The following NHS variants were observed in gnomAD, a reference collection of about 807,000 sequenced individuals.
NHS encodes the protein actin remodeling regulator NHS.
NHS carries 5 observed loss-of-function variants against 72.5 expected under a neutral mutation model. That is an observed-to-expected ratio of 0.07 (90% confidence interval 0.04 to 0.14). NHS has a LOEUF of 0.14. NHS is among the 10% of genes least tolerant of loss of function. The pLI is 1.00. For synonymous variants in NHS, 464 were observed against 547.7 expected (o/e 0.85, Z 2.13); for missense variants, 1,072 against 1,355.7 (o/e 0.79, Z 3.29).
intron 1 of NHS, among the ~76,000 whole-genome samples, chrX:17,656,422 A>G (rs961381611): frequency 8.9e-6 from 1 of 112,027 alleles, no homozygotes; most frequent in Non-Finnish European, 1.9e-5. Flanking sequence ...CATCATTTTA[A>G]ACTAATTTCT....
chrX:17,415,323 C>A (rs918013771), intron 1 of NHS, among the ~76,000 whole-genome samples: 5 of 111,380 alleles, frequency 4.5e-5, no homozygotes, highest in African/African-American at 6.5e-5. Flanking sequence ...CTCTGTGTTC[C>A]CGAGTCTCAA....
chrX:17,488,536 G>A (rs2064976410), intron 1 of NHS, among the ~76,000 whole-genome samples: 1 of 111,735 alleles, frequency 8.9e-6, no homozygotes, highest in Non-Finnish European at 1.9e-5. Flanking sequence ...TCTATGCCAT[G>A]GACCCCTGGG....
intron 1 of NHS, among the ~76,000 whole-genome samples, chrX:17,565,159 C>T (rs1250563176): frequency 9.0e-6 from 1 of 110,902 alleles, no homozygotes; most frequent in Non-Finnish European, 1.9e-5. Flanking sequence ...TGTAGTGTCC[C>T]TCTTGGCCAC....
At chrX:17,493,565 C>T (rs1401473741) in intron 1 of NHS, among the ~76,000 whole-genome samples, 2 of 111,900 alleles carry the variant, frequency 1.8e-5, no homozygotes, top group African/African-American at 3.2e-5. Flanking sequence ...TTAGTAAACT[C>T]AGTACATTTC....
rs779251050 is a variant in NHS, at chrX:17,566,848, G to C, written c.566-120894G>C. Among the ~76,000 whole-genome samples, 9 of 111,231 alleles carry C rather than the reference G, an allele frequency of 8.1e-5. No homozygotes were observed. The South Asian group carries it at 3.4e-3, about 43-fold the overall frequency. On this transcript the variant is annotated intron_variant, in intron 1 of 8. Coordinates refer to ENST00000676302, the MANE Select transcript of NHS (RefSeq NM_001291867.2). ...TGTGAACATCCCTGACATTGGGCTAGCCTCGTGCCATTCAGGGCAGGCTTC... is the reference window on the plus strand; with the variant it reads ...TGTGAACATCCCTGACATTGGGCTACCCTCGTGCCATTCAGGGCAGGCTTC...
chrX:17,387,192 A>G (rs757536058), intron 1 of NHS, among the ~76,000 whole-genome samples: 29 of 111,516 alleles, frequency 2.6e-4, no homozygotes, highest in Non-Finnish European at 1.7e-4. Flanking sequence ...ACATTTCTCC[A>G]CCTTACTCAC....
At chrX:17,574,424 C>A (rs937225164) in intron 1 of NHS, among the ~76,000 whole-genome samples, 1 of 112,419 alleles carries the variant, frequency 8.9e-6, no homozygotes, top group African/African-American at 3.2e-5. Flanking sequence ...CCCCTCCCCC[C>A]ACCAAGCTCC....
At chrX:17,605,085 A>G (rs1461036214) in intron 1 of NHS, among the ~76,000 whole-genome samples, 1 of 111,858 alleles carries the variant, frequency 8.9e-6, no homozygotes, top group Non-Finnish European at 1.9e-5. Flanking sequence ...CACTGACATA[A>G]AGGGGCATCT....
intron 1 of NHS, among the ~76,000 whole-genome samples, chrX:17,458,834 T>G (rs2064835776): frequency 8.9e-6 from 1 of 111,986 alleles, no homozygotes; most frequent in Non-Finnish European, 1.9e-5. Flanking sequence ...TTATAGTTAC[T>G]TCAGGCAAAC....
intron 1 of NHS, among the ~76,000 whole-genome samples, chrX:17,429,907 G>A (rs1252375002): frequency 9.0e-6 from 1 of 111,653 alleles, no homozygotes; most frequent in Non-Finnish European, 1.9e-5. Flanking sequence ...CTTGGGCCCA[G>A]TCTCCTCCTT....
intron 1 of NHS, among the ~76,000 whole-genome samples, chrX:17,604,563 A>G (rs2065669806): frequency 8.9e-6 from 1 of 112,142 alleles, no homozygotes; most frequent in Non-Finnish European, 1.9e-5. Flanking sequence ...AATTTCTGGG[A>G]CTATTTAAGA....
intron 1 of NHS, among the ~76,000 whole-genome samples, chrX:17,683,397 C>T (rs2066140976): frequency 9.0e-6 from 1 of 111,650 alleles, no homozygotes; most frequent in Admixed American, 9.5e-5. Flanking sequence ...ATGGCCCATT[C>T]TCACTCCCCT....
chrX:17,583,858 A>G (rs892448719), intron 1 of NHS, among the ~76,000 whole-genome samples: 3 of 112,590 alleles, frequency 2.7e-5, no homozygotes, highest in African/African-American at 9.7e-5. Flanking sequence ...GAGGTTTTAG[A>G]ACAATGTTCA....
chrX:17,718,753 G>A (rs1379779889), intron 3 of NHS, among the ~76,000 whole-genome samples: 1 of 86,957 alleles, frequency 1.1e-5, no homozygotes, highest in Non-Finnish European at 2.2e-5. Flanking sequence ...AAGAGGGAGG[G>A]AAGAAGGAAG....
At chrX:17,406,902 G>A (rs777395220) in intron 1 of NHS, among the ~76,000 whole-genome samples, 10 of 112,014 alleles carry the variant, frequency 8.9e-5, no homozygotes, top group Non-Finnish European at 1.7e-4. Flanking sequence ...ATGCAGCCAG[G>A]GGCAAAGAGG....
chrX:17,551,502 C>T (rs962209968), intron 1 of NHS, among the ~76,000 whole-genome samples: 1 of 111,921 alleles, frequency 8.9e-6, no homozygotes, highest in Admixed American at 9.4e-5. Flanking sequence ...CCAAAGCTGC[C>T]GTGTCAGATC....
chrX:17,462,785 G>A (rs912266876), intron 1 of NHS, among the ~76,000 whole-genome samples: 7 of 111,531 alleles, frequency 6.3e-5, no homozygotes, highest in African/African-American at 2.3e-4. Flanking sequence ...TCACGGCATC[G>A]TTTCACTTAT....
At chrX:17,455,856 C>T (rs2064823440) in intron 1 of NHS, among the ~76,000 whole-genome samples, 1 of 111,204 alleles carries the variant, frequency 9.0e-6, no homozygotes, top group African/African-American at 3.3e-5. Context: ...CAGTTGAACC[C>T]CTCCCTAAAT....
At chrX:17,398,798 A>G (rs2064488471) in intron 1 of NHS, among the ~76,000 whole-genome samples, 1 of 112,003 alleles carries the variant, frequency 8.9e-6, no homozygotes, top group Admixed American at 9.5e-5. Context: ...CTTGAGGCCC[A>G]GGCTTAGGGC....
Sources: gnomAD v4.1 joint callset for allele counts (sites outside exome capture counted in the v4.1 genomes callset) on GRCh38, gnomAD v4.1.1 for gene constraint, MANE v1.5 for transcripts, NCBI Gene and HGNC (gene_info 2026-07-23, HGNC 2026-07-21) for gene names.